Variants in TDRD12 observed in about 807,000 individuals in gnomAD.
TDRD12 encodes the protein putative ATP-dependent RNA helicase TDRD12.
In TDRD12, 158 loss-of-function variants were observed where a neutral mutation model predicts 133.5. That is an observed-to-expected ratio of 1.18 (90% confidence interval 1.04 to 1.35). The LOEUF (loss-of-function observed/expected upper bound fraction) is 1.35. Ranked by LOEUF, TDRD12 falls within the 40% of genes most tolerant of loss-of-function variation. The probability of loss-of-function intolerance (pLI) is 0.00; values close to 1 mark genes in which losing one functional copy is unlikely to be tolerated. For synonymous variants in TDRD12, 460 were observed against 477.9 expected, an observed-to-expected ratio of 0.96 and a Z score of 0.49; for missense variants, 1,443 against 1,321.3, an observed-to-expected ratio of 1.09 and a Z score of -1.43.
At chr19:32,797,188 T>A (rs550170366) in intron 14 of TDRD12, among the ~76,000 whole-genome samples, 16 of 150,816 alleles carry the variant, frequency 1.1e-4, no homozygotes, top group Middle Eastern at 3.4e-3. Flanking sequence ...ACCATATTGG[T>A]CAGGCTGGTC....
intron 8 of TDRD12, among the ~76,000 whole-genome samples, chr19:32,766,453 GATATA>G (rs1970298758): frequency 1.3e-5 from 2 of 152,232 alleles, no homozygotes; most frequent in African/African-American, 4.8e-5. Flanking sequence ...TACTCTTTCT[GATATA>G]ATGTAATGTA....
At chr19:32,776,722 C>G (rs2145612980) in intron 10 of TDRD12, among the ~76,000 whole-genome samples, 1 of 152,338 alleles carries the variant, frequency 6.6e-6, no homozygotes, top group South Asian at 2.1e-4. Context: ...CCATCCTGTC[C>G]AGCACCACCA....
exon 17 of TDRD12, chr19:32,800,203 G>A (rs1419792925): frequency 2.2e-5 from 33 of 1,519,824 alleles, no homozygotes; most frequent in Non-Finnish European, 2.8e-5. Context: ...AAAAAATATT[G>A]AAGTTGAAGA....
At chr19:32,769,640 ATT>A (rs11330105) in intron 8 of TDRD12, among the ~76,000 whole-genome samples, 3 of 147,448 alleles carry the variant, frequency 2.0e-5, no homozygotes, top group South Asian at 2.2e-4. Flanking sequence ...ATTAATTGTG[ATT>A]TTTTTTTTTT....
At chr19:32,827,272 C>T (rs1348929231) in exon 10 of TDRD12, 2 of 1,230,888 alleles carry the variant, frequency 1.6e-6, no homozygotes, top group Non-Finnish European at 2.0e-6. Flanking sequence ...GAATGACGTC[C>T]TCAAGAGCGG....
At chr19:32,751,280 A>AT (rs1568458736) in intron 6 of TDRD12, among the ~76,000 whole-genome samples, 1 of 152,076 alleles carries the variant, frequency 6.6e-6, no homozygotes, top group African/African-American at 2.4e-5. Flanking sequence ...AAAGGACACA[A>AT]TCTTGTTCCT....
chr19:32,724,392 A>G (rs186557522), intron 1 of TDRD12, among the ~76,000 whole-genome samples: 5 of 152,150 alleles, frequency 3.3e-5, no homozygotes, highest in Admixed American at 1.3e-4. Context: ...CCTCTGTCCC[A>G]TAGGCCCCAG....
At chr19:32,753,888 A>T (rs1486606901) in intron 6 of TDRD12, among the ~76,000 whole-genome samples, 1 of 151,982 alleles carries the variant, frequency 6.6e-6, no homozygotes, top group African/African-American at 2.4e-5. Flanking sequence ...TACGTATTTG[A>T]TTCATCCATG....
At chr19:32,790,921 C>T (rs1457445831) in intron 12 of TDRD12, 43 bp from the exon 13 acceptor site, 1 of 1,523,192 alleles carries the variant, frequency 6.6e-7, no homozygotes, top group Non-Finnish European at 8.7e-7. Flanking sequence ...TGTGCTGACG[C>T]CTCAGGGCAG....
At chr19:32,800,389 G>A (rs1568485884) in intron 17 of TDRD12, 31 bp downstream of exon 17, 10 of 1,387,186 alleles carry the variant, frequency 7.2e-6, no homozygotes, top group Non-Finnish European at 7.6e-6. Flanking sequence ...ATGTGTATGT[G>A]TGTGTGTGTG....
At chr19:32,743,896 T>C (rs1293547587) in intron 4 of TDRD12, among the ~76,000 whole-genome samples, 1 of 151,564 alleles carries the variant, frequency 6.6e-6, no homozygotes, top group African/African-American at 2.4e-5. Flanking sequence ...GGCGTGGTGG[T>C]AGGCATCTGT....
intron 1 of TDRD12, among the ~76,000 whole-genome samples, chr19:32,721,985 G>A (rs2145400987): frequency 6.6e-6 from 1 of 152,054 alleles, no homozygotes; most frequent in South Asian, 2.1e-4. Flanking sequence ...CAAAGTGCTG[G>A]GATTACAGGC....
At chr19:32,786,180 T>C (rs1157590153) in intron 11 of TDRD12, among the ~76,000 whole-genome samples, 1 of 152,206 alleles carries the variant, frequency 6.6e-6, no homozygotes, top group Non-Finnish European at 1.5e-5. Flanking sequence ...ATTTCTTCTT[T>C]ACTTATGAAG....
chr19:32,810,357 T>A, intron 23 of TDRD12, 80 bp downstream of exon 23: 1 of 1,203,070 alleles, frequency 8.3e-7, no homozygotes, highest in Non-Finnish European at 1.1e-6. Context: ...TTTTGACCTC[T>A]GTCCATTTGA....
At chr19:32,797,965 G>A (rs755610290) in intron 15 of TDRD12, 74 bp downstream of exon 15, 21 of 601,126 alleles carry the variant, frequency 3.5e-5, no homozygotes, top group Admixed American at 1.8e-4. Flanking sequence ...AGACAGTGGA[G>A]CCTGGCTGGG....
chr19:32,817,311 C>T (rs1967214219), intron 26 of TDRD12, among the ~76,000 whole-genome samples: 1 of 152,044 alleles, frequency 6.6e-6, no homozygotes, highest in South Asian at 2.1e-4. Context: ...CAGCCCCCTA[C>T]TCTCCTTTGT....
chr19:32,791,791 T>C (rs931962783), intron 13 of TDRD12, among the ~76,000 whole-genome samples: 4 of 152,094 alleles, frequency 2.6e-5, no homozygotes, highest in Non-Finnish European at 5.9e-5. Context: ...AATTCTCCCA[T>C]GAACAGGGCC....
intron 9 of TDRD12, among the ~76,000 whole-genome samples, chr19:32,773,228 C>A (rs1017236265): frequency 6.6e-6 from 1 of 152,132 alleles, no homozygotes; most frequent in East Asian, 1.9e-4. Flanking sequence ...TAAGTACTGA[C>A]GATCTGGAAT....
Position 32,821,026 on chromosome 19 carries a change from C to A in TDRD12, c.3384-7C>A. The stretch of plus-strand genomic sequence containing the variant: ...GCCAGGTGTTAACCCCTGCCTCTCC[C>A]GTCTAGGACGCCTCCAGCAGAAGAT... On this transcript the variant is annotated splice_polypyrimidine_tract_variant and splice_region_variant and intron_variant, in intron 27 of 27. Coordinates refer to ENST00000444215, the Ensembl canonical transcript of TDRD12. The A allele has an allele frequency of 2.0e-6, 3 of 1,534,992 alleles. No homozygotes were observed. The highest frequency in any genetic ancestry group is 2.6e-6 in the Non-Finnish European group (3 of 1,146,464).
Sources: allele counts gnomAD v4.1 joint callset (sites outside exome capture counted in the v4.1 genomes callset), GRCh38; gene constraint gnomAD v4.1.1; transcripts MANE v1.5; gene names NCBI Gene and HGNC (gene_info 2026-07-23, HGNC 2026-07-21).